OTUD7A: variants seen among roughly 807,000 people sequenced by gnomAD.
OTUD7A encodes OTU domain-containing protein 7A.
OTUD7A carries 12 observed loss-of-function variants against 65.7 expected under a neutral mutation model. That is an observed-to-expected ratio of 0.18 (90% CI 0.12 to 0.30). The LOEUF (loss-of-function observed/expected upper bound fraction) is 0.30, where lower values mean the gene tolerates loss of function less well. OTUD7A is among the 10% of genes least tolerant of loss of function. The pLI is 1.00. For synonymous variants in OTUD7A, 641 were observed against 586.3 expected (o/e 1.09, Z -1.35); for missense variants, 1,148 against 1,304.8 (o/e 0.88, Z 1.85).
At chr15:31,658,550 T>C (rs936088332) in intron 1 of OTUD7A, among the ~76,000 whole-genome samples, 1 of 152,084 alleles carries the variant, frequency 6.6e-6, no homozygotes, top group Non-Finnish European at 1.5e-5. Flanking sequence ...ATGAGCCCCC[T>C]GAGCCTTCCC....
At chr15:31,867,025 G>A (rs1452471846) in intron 1 of OTUD7A, among the ~76,000 whole-genome samples, 1 of 152,144 alleles carries the variant, frequency 6.6e-6, no homozygotes, top group African/African-American at 2.4e-5. Context: ...CAGTAGGAGA[G>A]AGGAGTCTTT....
In OTUD7A at chr15:31,570,206, A is replaced by G. The variant is rs1172023734; in HGVS notation, c.152-9T>C. ...CAGGTCCCAGTTTTTGCCTGTGGACAAGAAATGACAAGAGGTGACAATACG... is the reference window on the plus strand; with the variant it reads ...CAGGTCCCAGTTTTTGCCTGTGGACGAGAAATGACAAGAGGTGACAATACG... On this transcript the variant is annotated splice_polypyrimidine_tract_variant and intron_variant, in intron 3 of 12. Transcript: ENST00000307050. 2 of 1,613,624 alleles carry G rather than the reference A, an allele frequency of 1.2e-6. No homozygotes were observed. The highest frequency in any genetic ancestry group is 1.7e-6 in the Non-Finnish European group (2 of 1,179,566).
intron 1 of OTUD7A, among the ~76,000 whole-genome samples, chr15:31,756,627 AACACACACAC>A (rs56792926): frequency 0.13 from 18,642 of 138,108 alleles, 1,526 homozygotes; most frequent in African/African-American, 0.19. Context: ...CAGTGTACCC[AACACACACAC>A]ACACACACAC....
chr15:31,610,611 A>ATTTTT (rs1309588573), intron 3 of OTUD7A, among the ~76,000 whole-genome samples: 5 of 36,574 alleles, frequency 1.4e-4, no homozygotes, highest in Admixed American at 4.0e-4. Flanking sequence ...ATATATATAT[A>ATTTTT]TATATATTTT....
intron 1 of OTUD7A, among the ~76,000 whole-genome samples, chr15:31,697,656 C>T (rs987171808): frequency 5.9e-5 from 9 of 152,218 alleles, no homozygotes; most frequent in Admixed American, 2.0e-4. Flanking sequence ...ACCAGGCATG[C>T]GCCATATTCT....
At chr15:31,612,382 G>A (rs570192999) in intron 3 of OTUD7A, among the ~76,000 whole-genome samples, 1 of 152,092 alleles carries the variant, frequency 6.6e-6, no homozygotes, top group Non-Finnish European at 1.5e-5. Context: ...CAATATGATT[G>A]TTTACCTTGA....
chr15:31,847,737 A>G (rs146151073), intron 1 of OTUD7A, among the ~76,000 whole-genome samples: 1 of 152,330 alleles, frequency 6.6e-6, no homozygotes, highest in African/African-American at 2.4e-5. Context: ...TGGGTAACTT[A>G]TGAAGAAAAG....
At chr15:31,502,452 G>A (rs1362154515) in intron 9 of OTUD7A, among the ~76,000 whole-genome samples, 2 of 152,206 alleles carry the variant, frequency 1.3e-5, no homozygotes, top group Non-Finnish European at 2.9e-5. Context: ...CTGCTTTGAG[G>A]TCATGAAACG....
intron 3 of OTUD7A, among the ~76,000 whole-genome samples, chr15:31,633,768 G>A (rs1251001171): frequency 6.6e-6 from 1 of 152,120 alleles, no homozygotes; most frequent in Non-Finnish European, 1.5e-5. Flanking sequence ...CTGCTGGGGT[G>A]ATGGCCTGGA....
intron 3 of OTUD7A, among the ~76,000 whole-genome samples, chr15:31,583,536 A>G (rs1889436648): frequency 1.3e-5 from 2 of 151,974 alleles, no homozygotes. Flanking sequence ...GGTTTCCCCC[A>G]TACTGTTCTC....
chr15:31,511,007 T>C lies in OTUD7A; in HGVS notation c.894-7189A>G, dbSNP rs1201091207. 1.9e-4 allele frequency among the ~76,000 whole-genome samples: 9 copies of C among 47,298 alleles called. 4 individuals carry two copies. The highest frequency in any genetic ancestry group is 3.2e-4 in the Non-Finnish European group (9 of 27,966). The allele number at this position is 47,298 out of a possible 152,430, so 31.0% of individuals were successfully genotyped here. On this transcript the variant is annotated intron_variant, in intron 8 of 12. Coordinates refer to ENST00000307050, the MANE Select transcript of OTUD7A (RefSeq NM_001382637.1). The stretch of plus-strand genomic sequence containing the variant: ...TCTATATGTAACATATGTATATCTA[T>C]ATGTAACATACATGTATATCTATAT...
At chr15:31,833,963 T>G (rs1350660757) in intron 1 of OTUD7A, among the ~76,000 whole-genome samples, 1 of 152,232 alleles carries the variant, frequency 6.6e-6, no homozygotes, top group African/African-American at 2.4e-5. Context: ...CCCACATTCT[T>G]CAGAGCCTTT....
intron 1 of OTUD7A, among the ~76,000 whole-genome samples, chr15:31,850,311 C>G (rs897874399): frequency 6.6e-6 from 1 of 151,164 alleles, no homozygotes; most frequent in Non-Finnish European, 1.5e-5. Context: ...ATTGCAAGGA[C>G]AGAAAACCAA....
intron 1 of OTUD7A, among the ~76,000 whole-genome samples, chr15:31,680,233 A>T (rs1388452126): frequency 6.6e-6 from 1 of 152,146 alleles, no homozygotes; most frequent in Non-Finnish European, 1.5e-5. Flanking sequence ...TAGTATCTAA[A>T]ATTGTTTTTA....
At chr15:31,832,005 G>T (rs928851464) in intron 1 of OTUD7A, among the ~76,000 whole-genome samples, 8 of 152,262 alleles carry the variant, frequency 5.3e-5, no homozygotes, top group African/African-American at 1.9e-4. Flanking sequence ...TGATGTGAAT[G>T]TGAGTGTTCT....
intron 1 of OTUD7A, among the ~76,000 whole-genome samples, chr15:31,837,391 A>T (rs979924892): frequency 9.6e-5 from 9 of 94,118 alleles, no homozygotes; most frequent in Admixed American, 1.2e-4. Context: ...AAAAAAAAAA[A>T]AAAAATTAGC....
chr15:31,551,073 G>T (rs990667539), intron 5 of OTUD7A, among the ~76,000 whole-genome samples: 1 of 151,788 alleles, frequency 6.6e-6, no homozygotes, highest in Middle Eastern at 3.2e-3. Context: ...AAGGCTTAGT[G>T]GTTTGATGTA....
Position 31,482,830 on chromosome 15 carries a change from C to T in OTUD7A, c.*464G>A, listed in dbSNP as rs544206080. On this transcript the variant is annotated 3_prime_UTR_variant, in exon 13 of 13. Transcript: ENST00000307050. ...GTAGAGCTCACAGAGGAGCCTCCAC[C>T]GCAGCCCCGGGTGCGCGCTCGCTCT... 1 of 152,046 alleles carries T rather than the reference C, an allele frequency of 6.6e-6. No homozygotes were observed. The highest frequency in any genetic ancestry group is 1.9e-4 in the East Asian group (1 of 5,184). 9.4% of individuals were successfully genotyped at this position (152,046 alleles called of 1,614,324 possible).
intron 1 of OTUD7A, among the ~76,000 whole-genome samples, chr15:31,669,294 G>A (rs1892415669): frequency 6.6e-6 from 1 of 152,174 alleles, no homozygotes; most frequent in African/African-American, 2.4e-5. Context: ...GGGTGTCGTA[G>A]TTCAGACTGT....
Sources: allele counts gnomAD v4.1 joint callset (sites outside exome capture counted in the v4.1 genomes callset), GRCh38; gene constraint gnomAD v4.1.1; transcripts MANE v1.5; gene names NCBI Gene and HGNC (gene_info 2026-07-23, HGNC 2026-07-21).